Variants in MREG observed in about 807,000 individuals in gnomAD.
MREG encodes the protein dilute suppressor protein homolog.
Under a neutral mutation model 28.5 loss-of-function variants are expected in MREG, and 31 were observed. That is an observed-to-expected ratio of 1.09 (90% CI 0.82 to 1.47). The LOEUF (loss-of-function observed/expected upper bound fraction) is 1.47, where lower values mean the gene tolerates loss of function less well. MREG is among the 40% of genes most tolerant of loss of function. The pLI, the probability that MREG is intolerant of heterozygous loss-of-function variation, is 0.00. For synonymous variants in MREG, 106 were observed against 95.2 expected (o/e 1.11, Z -0.66); for missense variants, 256 against 257.4 (o/e 0.99, Z 0.04).
At chr2:215,966,341 C>G (rs1692938416) in intron 2 of MREG, among the ~76,000 whole-genome samples, 1 of 152,158 alleles carries the variant, frequency 6.6e-6, no homozygotes, top group Non-Finnish European at 1.5e-5. Context: ...TTTCTACTTT[C>G]TAATTTTTCC....
At chr2:215,951,182 T>G (rs1290749926) in intron 2 of MREG, among the ~76,000 whole-genome samples, 1 of 152,198 alleles carries the variant, frequency 6.6e-6, no homozygotes, top group Non-Finnish European at 1.5e-5. Context: ...CAGCCTCAGG[T>G]GGTTCTTTAT....
intron 1 of MREG, among the ~76,000 whole-genome samples, chr2:216,004,579 T>A (rs1284510245): frequency 1.3e-5 from 2 of 149,428 alleles, no homozygotes; most frequent in Non-Finnish European, 1.5e-5. Flanking sequence ...AAAAAAAACC[T>A]GTGCCTGGCA....
intron 2 of MREG, among the ~76,000 whole-genome samples, chr2:215,953,103 G>A (rs1692530716): frequency 6.6e-6 from 1 of 152,214 alleles, no homozygotes; most frequent in Non-Finnish European, 1.5e-5. Flanking sequence ...CCAAACAAAA[G>A]CTGGATTCTG....
exon 1 of MREG, chr2:216,032,946 C>T (rs1445723125): frequency 2.0e-5 from 3 of 152,174 alleles, no homozygotes; most frequent in Non-Finnish European, 4.4e-5. Flanking sequence ...GGTCTTGAAT[C>T]CTAAGAAGGC....
At chr2:215,960,961 C>T (rs188959932) in intron 2 of MREG, among the ~76,000 whole-genome samples, 199 of 152,306 alleles carry the variant, frequency 1.3e-3, no homozygotes, top group African/African-American at 4.1e-3. Context: ...GGTATGCAAG[C>T]GAAAAAGAGA....
rs372923066 is a variant in MREG, at chr2:215,944,979, C to G, written c.529G>C (p.Asp177His). 1.3e-6 allele frequency: 2 copies of G among 1,591,214 alleles called. No homozygotes were observed. The highest frequency in any genetic ancestry group is 4.5e-5 in the East Asian group (2 of 44,372). ...LFVVDRLIAL[D>H]AAEEFFKLAR... Reference sequence around the variant, plus strand: ...AGCTTAAAGAACTCTTCTGCAGCATCAAGTGCAATGAGACGGTCCTGCAAA... The same window carrying G: ...AGCTTAAAGAACTCTTCTGCAGCATGAAGTGCAATGAGACGGTCCTGCAAA... The change falls in exon 5 of 5, where the codon GAT (aspartate) becomes CAT (histidine). Residue 177 changes from aspartate to histidine, a missense_variant. Asp to His is a moderately conservative substitution (Grantham distance 81). Coordinates refer to ENST00000263268, the MANE Select transcript of MREG (RefSeq NM_018000.3).
chr2:215,998,792 T>C (rs765414277), intron 1 of MREG, among the ~76,000 whole-genome samples: 7 of 152,196 alleles, frequency 4.6e-5, no homozygotes, highest in Non-Finnish European at 1.0e-4. Context: ...ATTCAACAAA[T>C]GTGGAATAAA....
intron 1 of MREG, among the ~76,000 whole-genome samples, chr2:216,029,514 G>A (rs1694647967): frequency 6.6e-6 from 1 of 152,176 alleles, no homozygotes; most frequent in Non-Finnish European, 1.5e-5. Flanking sequence ...GACGACAAAG[G>A]CAAAATGATA....
At chr2:215,947,739 A>G (rs1433043800) in intron 2 of MREG, among the ~76,000 whole-genome samples, 1 of 152,198 alleles carries the variant, frequency 6.6e-6, no homozygotes, top group Admixed American at 6.5e-5. Flanking sequence ...TCACCACCAT[A>G]TCTCAGCAAC....
upstream of MREG, among the ~76,000 whole-genome samples, chr2:216,016,355 T>C (rs1574658545): frequency 6.6e-6 from 1 of 152,174 alleles, no homozygotes; most frequent in African/African-American, 2.4e-5. Context: ...TAGGTTCAAA[T>C]AGAAAGTGGG....
At chr2:216,012,999 A>T (rs1308458512) in intron 1 of MREG, among the ~76,000 whole-genome samples, 1 of 152,204 alleles carries the variant, frequency 6.6e-6, no homozygotes, top group East Asian at 1.9e-4. Context: ...CACTTTGCAC[A>T]GACATCCAGC....
intron 1 of MREG, among the ~76,000 whole-genome samples, chr2:216,026,908 C>G (rs1694605296): frequency 6.6e-6 from 1 of 152,176 alleles, no homozygotes; most frequent in Non-Finnish European, 1.5e-5. Context: ...TACTTAAAAT[C>G]AAGCATCCTA....
At chr2:215,952,675 T>A (rs368145931) in intron 2 of MREG, among the ~76,000 whole-genome samples, 2 of 152,198 alleles carry the variant, frequency 1.3e-5, no homozygotes, top group East Asian at 3.9e-4. Flanking sequence ...ATCAATTTAT[T>A]TTTAATTATA....
rs1693917107 is a variant in MREG, at chr2:215,998,116, C to T, written c.96-1651G>A. On this transcript the variant is annotated intron_variant, in intron 1 of 4. Coordinates refer to ENST00000263268, the MANE Select transcript of MREG (RefSeq NM_018000.3). ...AGTCAGGAGTTCAAGACCAGCATGGCCAACATGGCAAAACCCCATCTCTAC... is the reference window on the plus strand; with the variant it reads ...AGTCAGGAGTTCAAGACCAGCATGGTCAACATGGCAAAACCCCATCTCTAC... Among the ~76,000 whole-genome samples the T allele has an allele frequency of 4.6e-5, 7 of 152,062 alleles. No homozygotes were observed. In the South Asian group the frequency reaches 1.5e-3, roughly 32 times the overall value.
chr2:216,013,034 T>C (rs765988314), intron 1 of MREG, among the ~76,000 whole-genome samples, 199 bp downstream of exon 1: 1 of 152,210 alleles, frequency 6.6e-6, no homozygotes, highest in Admixed American at 6.5e-5. Flanking sequence ...CTCCGAAGAT[T>C]TGTGCTTTTC....
intron 3 of MREG, among the ~76,000 whole-genome samples, 187 bp downstream of exon 3, chr2:215,946,836 G>A (rs1168862438): frequency 6.6e-6 from 1 of 152,202 alleles, no homozygotes; most frequent in Admixed American, 6.5e-5. Flanking sequence ...ACATGGACTG[G>A]TGACAACAGA....
At chr2:215,947,501 A>T (rs1416489869) in intron 2 of MREG, among the ~76,000 whole-genome samples, 1 of 152,230 alleles carries the variant, frequency 6.6e-6, no homozygotes, top group Non-Finnish European at 1.5e-5. Context: ...AATAAAATCT[A>T]TATATTATTA....
intron 1 of MREG, among the ~76,000 whole-genome samples, chr2:216,020,441 C>T (rs1298038125): frequency 1.3e-5 from 2 of 152,158 alleles, no homozygotes; most frequent in African/African-American, 4.8e-5. Flanking sequence ...GAGGATAGCT[C>T]CTTCCCAGAC....
At chr2:215,976,796 G>A (rs1413607398) in intron 2 of MREG, among the ~76,000 whole-genome samples, 1 of 152,114 alleles carries the variant, frequency 6.6e-6, no homozygotes, top group Non-Finnish European at 1.5e-5. Flanking sequence ...ATAAGTGAAG[G>A]TGAAATAAAA....
Sources: gnomAD v4.1 joint callset for allele counts (sites outside exome capture counted in the v4.1 genomes callset) on GRCh38, gnomAD v4.1.1 for gene constraint, MANE v1.5 for transcripts, NCBI Gene and HGNC (gene_info 2026-07-23, HGNC 2026-07-21) for gene names.